The following AFF3 variants were observed in gnomAD, a reference collection of about 807,000 sequenced individuals.
The protein encoded by AFF3 is AF4/FMR2 family member 3.
Under a neutral mutation model 129.7 loss-of-function variants are expected in AFF3, and 32 were observed. That is an observed-to-expected ratio of 0.25 (90% confidence interval 0.19 to 0.33). The LOEUF (loss-of-function observed/expected upper bound fraction) is 0.33. AFF3 is among the 10% of genes least tolerant of loss of function. The probability of loss-of-function intolerance (pLI) is 1.00; values close to 1 mark genes in which losing one functional copy is unlikely to be tolerated. For synonymous variants in AFF3, 644 were observed against 635.4 expected (o/e 1.01, Z -0.20); for missense variants, 1,373 against 1,592.0 (o/e 0.86, Z 2.34).
intron 10 of AFF3, among the ~76,000 whole-genome samples, chr2:99,741,485 T>C (rs1444319083): frequency 1.3e-5 from 2 of 152,052 alleles, no homozygotes; most frequent in African/African-American, 2.4e-5. Context: ...TGAAAGAGAA[T>C]AAAATACCTA....
intron 7 of AFF3, among the ~76,000 whole-genome samples, chr2:99,872,062 CA>C (rs1421035398): frequency 1.2e-4 from 18 of 151,546 alleles, no homozygotes; most frequent in African/African-American, 4.1e-4. Flanking sequence ...AAAAATTAGC[CA>C]GTCGTGGTGG....
intron 2 of AFF3, among the ~76,000 whole-genome samples, chr2:100,115,647 T>TC (rs1691707037): frequency 6.6e-6 from 1 of 152,244 alleles, no homozygotes; most frequent in African/African-American, 2.4e-5. Context: ...CTCATTTTTT[T>TC]CAGATCTTTC....
chr2:99,988,980 CAAG>C (rs1680109309), intron 7 of AFF3, among the ~76,000 whole-genome samples: 1 of 152,102 alleles, frequency 6.6e-6, no homozygotes, highest in South Asian at 2.1e-4. Context: ...AGAGCCCACT[CAAG>C]AGACTTTCTA....
intron 9 of AFF3, among the ~76,000 whole-genome samples, chr2:99,746,400 A>C (rs1050586392): frequency 6.6e-6 from 1 of 152,218 alleles, no homozygotes; most frequent in African/African-American, 2.4e-5. Context: ...CTTTAAAAAG[A>C]AATTCTACTG....
At chr2:99,801,020 T>C (rs1685902101) in intron 8 of AFF3, among the ~76,000 whole-genome samples, 1 of 152,160 alleles carries the variant, frequency 6.6e-6, no homozygotes, top group Admixed American at 6.6e-5. Context: ...AAAACAATAA[T>C]AATGCAAATT....
At chr2:99,896,731 G>C (rs1010734984) in intron 7 of AFF3, among the ~76,000 whole-genome samples, 1 of 134,698 alleles carries the variant, frequency 7.4e-6, no homozygotes, top group African/African-American at 2.8e-5. Context: ...CACCTCCCAG[G>C]TTCAAGCGAT....
chr2:99,965,839 G>T (rs1052000906), intron 7 of AFF3, among the ~76,000 whole-genome samples: 1 of 152,086 alleles, frequency 6.6e-6, no homozygotes, highest in Admixed American at 6.5e-5. Context: ...TCTGTTTTGT[G>T]GTCCAGTGTG....
At chr2:99,552,664 G>A (rs1209688883) in intron 24 of AFF3, among the ~76,000 whole-genome samples, 2 of 152,200 alleles carry the variant, frequency 1.3e-5, no homozygotes, top group Non-Finnish European at 2.9e-5. Flanking sequence ...GTGGCTAGGA[G>A]GTTGGCCAGG....
chr2:99,878,516 T>C (rs1692466674), intron 7 of AFF3, among the ~76,000 whole-genome samples: 1 of 152,208 alleles, frequency 6.6e-6, no homozygotes, highest in African/African-American at 2.4e-5. Flanking sequence ...TTATAACAAG[T>C]AGATTTTAAT....
chr2:100,047,579 A>G (rs2105107908), intron 4 of AFF3, among the ~76,000 whole-genome samples: 1 of 152,338 alleles, frequency 6.6e-6, no homozygotes, highest in South Asian at 2.1e-4. Context: ...TCCGTAGTAT[A>G]TATTCTCAAC....
chr2:99,799,470 G>A (rs551216698), intron 8 of AFF3, among the ~76,000 whole-genome samples: 1 of 152,008 alleles, frequency 6.6e-6, no homozygotes, highest in Non-Finnish European at 1.5e-5. Flanking sequence ...CTTAACATTT[G>A]ATGAGAAGCA....
At chr2:100,105,331 A>G in intron 3 of AFF3, 173 bp downstream of exon 3, 3 of 1,207,874 alleles carry the variant, frequency 2.5e-6, no homozygotes, top group Non-Finnish European at 3.2e-6. Flanking sequence ...CGCCCCAAAC[A>G]AACCGTTTAA....
intron 7 of AFF3, among the ~76,000 whole-genome samples, chr2:99,856,498 GAACAA>G (rs1690541502): frequency 6.6e-6 from 1 of 151,928 alleles, no homozygotes; most frequent in Non-Finnish European, 1.5e-5. Flanking sequence ...CAAACAAAAG[GAACAA>G]AACAGCAGCA....
At chr2:100,006,520 T>A in intron 7 of AFF3, 112 bp downstream of exon 7, 3 of 1,346,232 alleles carry the variant, frequency 2.2e-6, no homozygotes, top group Non-Finnish European at 3.0e-6. Flanking sequence ...TCCTACCACA[T>A]GAAGTTAACC....
intron 7 of AFF3, among the ~76,000 whole-genome samples, chr2:99,982,586 C>T (rs1210377306): frequency 2.0e-5 from 3 of 152,200 alleles, no homozygotes; most frequent in African/African-American, 7.2e-5. Context: ...TAGGCAACCA[C>T]AGACACTAAG....
intron 7 of AFF3, among the ~76,000 whole-genome samples, chr2:99,922,560 T>C (rs543023717): frequency 1.1e-4 from 16 of 152,180 alleles, no homozygotes; most frequent in Non-Finnish European, 2.2e-4. Context: ...CAAAGCCTGC[T>C]TCTGGGGGCC....
At chr2:99,967,137 C>T (rs77566460) in intron 7 of AFF3, among the ~76,000 whole-genome samples, 2,952 of 152,112 alleles carry the variant, frequency 0.019, 99 homozygotes, top group African/African-American at 0.068. Flanking sequence ...ATTGCTCTTT[C>T]CCCCAGTCCT....
At chr2:99,710,115 A>G (rs181643665) in intron 11 of AFF3, among the ~76,000 whole-genome samples, 32 of 152,346 alleles carry the variant, frequency 2.1e-4, no homozygotes, top group Non-Finnish European at 2.9e-5. Flanking sequence ...CTGAGTTGCT[A>G]TAAAGATTCG....
intron 7 of AFF3, among the ~76,000 whole-genome samples, chr2:99,851,377 C>A (rs1445187512): frequency 6.6e-6 from 1 of 152,184 alleles, no homozygotes; most frequent in Non-Finnish European, 1.5e-5. Context: ...TTTCTCAAGT[C>A]TTCCCTGCAT....
Sources: gnomAD v4.1 joint callset for allele counts (sites outside exome capture counted in the v4.1 genomes callset) on GRCh38, gnomAD v4.1.1 for gene constraint, MANE v1.5 for transcripts, NCBI Gene and HGNC (gene_info 2026-07-23, HGNC 2026-07-21) for gene names.